RAB38: variants seen among roughly 807,000 people sequenced by gnomAD.
RAB38 encodes the protein ras-related protein Rab-38.
A neutral mutation model predicts 18.4 loss-of-function variants in RAB38; 15 were observed. The ratio of observed to expected loss-of-function variants is 0.82; its 90% CI spans 0.55 to 1.26. The LOEUF (loss-of-function observed/expected upper bound fraction) is 1.26. RAB38 is among the 50% of genes most tolerant of loss of function. RAB38 has a pLI of 0.00. For synonymous variants in RAB38, 101 were observed against 104.4 expected, an observed-to-expected ratio of 0.97 and a Z score of 0.20; for missense variants, 294 against 267.4, an observed-to-expected ratio of 1.10 and a Z score of -0.69.
chr11:87,977,708 A>T, the RAB38 span, among the ~76,000 whole-genome samples: 1 of 103,764 alleles, frequency 9.6e-6, no homozygotes, highest in Non-Finnish European at 1.7e-5. Flanking sequence ...GGGATATATT[A>T]TATATTTATA....
chr11:87,854,307 G>A, the RAB38 span, among the ~76,000 whole-genome samples: 1 of 152,068 alleles, frequency 6.6e-6, no homozygotes, highest in Non-Finnish European at 1.5e-5. Flanking sequence ...CTAGAAATGT[G>A]GTATTCTATT....
At chr11:87,832,396 T>A in the RAB38 span, among the ~76,000 whole-genome samples, 1 of 152,122 alleles carries the variant, frequency 6.6e-6, no homozygotes, top group Admixed American at 6.5e-5. Flanking sequence ...GCTCAACTGG[T>A]TTCTGTGCTC....
intron 2 of RAB38, among the ~76,000 whole-genome samples, chr11:88,136,071 T>C (rs982381328): frequency 3.9e-5 from 6 of 152,210 alleles, no homozygotes; most frequent in Non-Finnish European, 7.3e-5. Flanking sequence ...ATCTTGAGCA[T>C]TCTGTCATTG....
At chr11:88,095,380 A>G in the RAB38 span, among the ~76,000 whole-genome samples, 1 of 151,742 alleles carries the variant, frequency 6.6e-6, no homozygotes, top group Non-Finnish European at 1.5e-5. Flanking sequence ...ACCCACTGAT[A>G]TCTTCTCAGT....
the RAB38 span, among the ~76,000 whole-genome samples, chr11:87,957,080 A>G: frequency 2.6e-3 from 392 of 152,038 alleles, 3 homozygotes; most frequent in Non-Finnish European, 5.6e-4. Context: ...GAATCTGTCT[A>G]TTGTTATAGC....
the RAB38 span, among the ~76,000 whole-genome samples, chr11:88,092,376 GAGAGAGAGAGAGAGAGAGAGAGA>G: frequency 1.6e-4 from 4 of 24,934 alleles, 1 homozygote; most frequent in Admixed American, 6.6e-4. Flanking sequence ...GAGAGAGAGA[GAGAGAGAGAGAGAGAGAGAGAGA>G]GAGAGAGAGA....
At chr11:88,053,352 T>C in the RAB38 span, among the ~76,000 whole-genome samples, 4 of 68,716 alleles carry the variant, frequency 5.8e-5, no homozygotes, top group East Asian at 1.3e-3. Context: ...AATATATATA[T>C]ACACACACAT....
the RAB38 span, among the ~76,000 whole-genome samples, chr11:87,952,854 A>ATAAAAAGGAAAACTATC: frequency 6.6e-6 from 1 of 152,204 alleles, no homozygotes. Flanking sequence ...GCAGATGTAT[A>ATAAAAAGGAAAACTATC]TAAAAAGGAA....
At chr11:88,031,800 C>A in the RAB38 span, among the ~76,000 whole-genome samples, 1 of 152,188 alleles carries the variant, frequency 6.6e-6, no homozygotes, top group Non-Finnish European at 1.5e-5. Flanking sequence ...AATGGCCATA[C>A]TGCCCAAGGT....
At chr11:88,102,152 C>G in the RAB38 span, among the ~76,000 whole-genome samples, 8 of 151,952 alleles carry the variant, frequency 5.3e-5, no homozygotes, top group African/African-American at 1.9e-4. Context: ...ATTAACATAC[C>G]AATTTTGCAG....
the RAB38 span, among the ~76,000 whole-genome samples, chr11:88,034,074 C>T: frequency 1.3e-3 from 202 of 152,278 alleles, 1 homozygote; most frequent in African/African-American, 4.7e-3. Flanking sequence ...ATCCGCAACA[C>T]CTGGCAACCA....
the RAB38 span, among the ~76,000 whole-genome samples, chr11:87,893,369 T>G: frequency 3.0e-5 from 1 of 33,608 alleles, no homozygotes; most frequent in African/African-American, 6.7e-5. Flanking sequence ...CTATATATTT[T>G]ACATATATAT....
At chr11:87,877,419 G>A in the RAB38 span, among the ~76,000 whole-genome samples, 3 of 151,342 alleles carry the variant, frequency 2.0e-5, no homozygotes, top group Admixed American at 6.6e-5. Flanking sequence ...TCTATTAGTT[G>A]ATGCCAAGTA....
the RAB38 span, among the ~76,000 whole-genome samples, chr11:88,059,659 G>A: frequency 5.3e-5 from 8 of 152,262 alleles, no homozygotes; most frequent in African/African-American, 1.9e-4. Flanking sequence ...TGTGTTCCAG[G>A]CACAGTGTTT....
the RAB38 span, among the ~76,000 whole-genome samples, chr11:88,042,015 C>A: frequency 6.6e-6 from 1 of 152,164 alleles, no homozygotes; most frequent in South Asian, 2.1e-4. Context: ...ACCCACAACT[C>A]AGAAAAGGAA....
the RAB38 span, among the ~76,000 whole-genome samples, chr11:87,911,378 C>T: frequency 6.6e-6 from 1 of 152,000 alleles, no homozygotes; most frequent in African/African-American, 2.4e-5. Context: ...AACATCTTAA[C>T]CTTTTTGAGT....
At chr11:88,079,636 C>T in the RAB38 span, among the ~76,000 whole-genome samples, 1 of 151,572 alleles carries the variant, frequency 6.6e-6, no homozygotes, top group Non-Finnish European at 1.5e-5. Flanking sequence ...GAAATAGATG[C>T]AATAATATTA....
At chr11:88,108,140 T>G in the RAB38 span, among the ~76,000 whole-genome samples, 3 of 152,206 alleles carry the variant, frequency 2.0e-5, no homozygotes, top group Non-Finnish European at 4.4e-5. Flanking sequence ...TTAGGTTCAC[T>G]TGGTCCAAAG....
chr11:87,949,708 G>T, the RAB38 span, among the ~76,000 whole-genome samples: 1 of 152,342 alleles, frequency 6.6e-6, no homozygotes, highest in South Asian at 2.1e-4. Context: ...TTTTGAGTGA[G>T]TTTCTTAATC....
Sources: gnomAD v4.1 joint callset for allele counts (sites outside exome capture counted in the v4.1 genomes callset) on GRCh38, gnomAD v4.1.1 for gene constraint, MANE v1.5 for transcripts, NCBI Gene and HGNC (gene_info 2026-07-23, HGNC 2026-07-21) for gene names.